MICAL2: variants seen among roughly 807,000 people sequenced by gnomAD.
MICAL2 encodes [F-actin]-monooxygenase MICAL2.
Under a neutral mutation model 127.3 loss-of-function variants are expected in MICAL2, and 77 were observed. The ratio of observed to expected loss-of-function variants is 0.60; its 90% CI spans 0.50 to 0.73. MICAL2 has a LOEUF of 0.73. MICAL2 is among the 30% of genes least tolerant of loss of function. MICAL2 has a pLI of 0.00. For missense variants in MICAL2, 1,351 were observed against 1,434.4 expected (o/e 0.94, Z 0.94); for synonymous variants, 570 against 551.1 (o/e 1.03, Z -0.48).
At chr11:12,170,839 TGAGCTCCCTAAGGACAGG>T (rs1379528422) in intron 3 of MICAL2, among the ~76,000 whole-genome samples, 14 of 152,186 alleles carry the variant, frequency 9.2e-5, no homozygotes, top group Admixed American at 9.2e-4. Flanking sequence ...CTTTTGACGG[TGAGCTCCCTAAGGACAGG>T]GAGCATGCCT....
At chr11:12,262,402 A>T in intron 26 of MICAL2, 78 bp from the exon 27 acceptor site, 4 of 1,602,794 alleles carry the variant, frequency 2.5e-6, no homozygotes, top group South Asian at 2.2e-5. Context: ...CGTGATGTTA[A>T]TCATTTCCTT....
intron 6 of MICAL2, among the ~76,000 whole-genome samples, chr11:12,211,851 G>A (rs535342734): frequency 2.6e-5 from 4 of 152,330 alleles, no homozygotes; most frequent in Admixed American, 6.5e-5. Flanking sequence ...ATGGCGGCGG[G>A]CTGGACAGCA....
chr11:12,299,270 CTT>C (rs542837584), intron 29 of MICAL2, among the ~76,000 whole-genome samples: 2 of 148,910 alleles, frequency 1.3e-5, no homozygotes, highest in African/African-American at 4.9e-5. Flanking sequence ...ACCCATCAGT[CTT>C]TTTTTTTTAG....
At chr11:12,274,373 A>T, upstream of MICAL2, 1 of 152,232 alleles carries the variant, frequency 6.6e-6, no homozygotes, top group Non-Finnish European at 1.5e-5. Flanking sequence ...AACAGACAAA[A>T]ATCACTGCTT....
rs193165996 is a variant in MICAL2, at chr11:12,357,425, C to T, written c.5690-870C>T. ...CCAATTATCAAGAAGGTCAGGTACT[C>T]GAGAAGACAAAGGGAAAAGCAAAGT... is the stretch of plus-strand genomic sequence containing the variant. On this transcript the variant is annotated intron_variant, in intron 34 of 34. Coordinates refer to the MICAL2 transcript ENST00000646065. Among the ~76,000 whole-genome samples the T allele has an allele frequency of 7.9e-5, 12 of 152,306 alleles. No individual in the cohort carries two copies. The East Asian group carries it at 1.9e-3, about 24-fold the overall frequency.
chr11:12,229,385 A>G (rs894382804), intron 15 of MICAL2, among the ~76,000 whole-genome samples: 2 of 152,148 alleles, frequency 1.3e-5, no homozygotes, highest in African/African-American at 4.8e-5. Context: ...TGAGGGCTGC[A>G]TTGTCCGCCA....
intron 17 of MICAL2, among the ~76,000 whole-genome samples, chr11:12,240,756 T>A (rs1565228977): frequency 1.3e-5 from 2 of 152,224 alleles, no homozygotes; most frequent in African/African-American, 4.8e-5. Context: ...TGGCAGTGCC[T>A]GCTTAAGGCC....
intron 22 of MICAL2, among the ~76,000 whole-genome samples, chr11:12,251,830 C>T (rs1565254600): frequency 6.6e-6 from 1 of 152,062 alleles, no homozygotes; most frequent in East Asian, 1.9e-4. Flanking sequence ...GTAATGCCTC[C>T]CCAAGTCACG....
intron 2 of MICAL2, among the ~76,000 whole-genome samples, chr11:12,157,191 A>C (rs1854282023): frequency 6.6e-6 from 1 of 152,166 alleles, no homozygotes; most frequent in Non-Finnish European, 1.5e-5. Flanking sequence ...GCACTGTCTG[A>C]TATGCCATTT....
chr11:12,172,523 T>A (rs1590182176), intron 3 of MICAL2, among the ~76,000 whole-genome samples: 1 of 152,282 alleles, frequency 6.6e-6, no homozygotes, highest in African/African-American at 2.4e-5. Context: ...AAATGAGTTT[T>A]GCAAGAAACA....
In MICAL2 at chr11:12,127,272, G is replaced by A. The variant is rs140167748; in HGVS notation, c.-148-11118G>A. ...GCCATTCTTTCACCATTGCTCTATG[G>A]GGACATTTTCTTCTTAGGCATTTTA... On this transcript the variant is annotated intron_variant, in intron 1 of 27. Coordinates refer to ENST00000683283, the MANE Select transcript of MICAL2 (RefSeq NM_001282663.2). Among the ~76,000 whole-genome samples the A allele has an allele frequency of 1.8e-3, 275 of 152,218 alleles. 1 individual carries two copies. The highest frequency in any genetic ancestry group is 5.3e-3 in the African/African-American group (221 of 41,522).
At chr11:12,180,120 C>T (rs966285701) in intron 3 of MICAL2, among the ~76,000 whole-genome samples, 4 of 152,062 alleles carry the variant, frequency 2.6e-5, no homozygotes, top group Non-Finnish European at 5.9e-5. Context: ...TTTTCAGGGC[C>T]ACTAGAGGCC....
At chr11:12,264,729 T>C (rs1863543616), downstream of MICAL2, among the ~76,000 whole-genome samples, 1 of 152,226 alleles carries the variant, frequency 6.6e-6, no homozygotes, top group Admixed American at 6.5e-5. Context: ...CTGGGTGATA[T>C]ATTCCCACTT....
intron 3 of MICAL2, among the ~76,000 whole-genome samples, chr11:12,179,858 C>A (rs1857232712): frequency 6.6e-6 from 1 of 152,236 alleles, no homozygotes; most frequent in Non-Finnish European, 1.5e-5. Flanking sequence ...TAGCCAGTTT[C>A]CTGTCTGTAT....
chr11:12,256,737 G>A (rs1406239351), intron 23 of MICAL2, 48 bp from the exon 24 acceptor site: 10 of 1,503,992 alleles, frequency 6.6e-6, no homozygotes, highest in Non-Finnish European at 9.0e-6. Context: ...GGCATTTGAA[G>A]GCTCGGGATA....
At chr11:12,305,037 G>A (rs886589759) in intron 29 of MICAL2, among the ~76,000 whole-genome samples, 5 of 152,088 alleles carry the variant, frequency 3.3e-5, no homozygotes, top group African/African-American at 1.2e-4. Flanking sequence ...ATACAGTAGT[G>A]TCCCCCTTAT....
At chr11:12,134,063 C>T (rs771876147) in intron 1 of MICAL2, among the ~76,000 whole-genome samples, 2 of 152,114 alleles carry the variant, frequency 1.3e-5, no homozygotes, top group African/African-American at 2.4e-5. Context: ...ATGACCTTGG[C>T]GAGTTAGTTA....
At chr11:12,112,789 A>G (rs1216137914) in intron 1 of MICAL2, among the ~76,000 whole-genome samples, 1 of 152,054 alleles carries the variant, frequency 6.6e-6, no homozygotes, top group African/African-American at 2.4e-5. Flanking sequence ...AATCCATTAT[A>G]CTTTAGTATA....
chr11:12,215,128 G>A (rs147441154), intron 7 of MICAL2, among the ~76,000 whole-genome samples: 402 of 152,288 alleles, frequency 2.6e-3, no homozygotes, highest in Non-Finnish European at 4.6e-3. Flanking sequence ...AAAAAACCAA[G>A]AAAATAAATA....
Sources: allele counts gnomAD v4.1 joint callset (sites outside exome capture counted in the v4.1 genomes callset), GRCh38; gene constraint gnomAD v4.1.1; transcripts MANE v1.5; gene names NCBI Gene and HGNC (gene_info 2026-07-23, HGNC 2026-07-21).